EFCAB6: variants seen among roughly 807,000 people sequenced by gnomAD.
The protein encoded by EFCAB6 is EF-hand calcium binding domain 6.
In EFCAB6, 156 loss-of-function variants were observed where a neutral mutation model predicts 169.8. The ratio of observed to expected loss-of-function variants is 0.92; its 90% confidence interval spans 0.81 to 1.05. The LOEUF (loss-of-function observed/expected upper bound fraction) is 1.05, where lower values mean the gene tolerates loss of function less well. Among genes scored for constraint, EFCAB6 ranks in the 50% least tolerant of loss-of-function variants. The pLI, the probability that EFCAB6 is intolerant of heterozygous loss-of-function variation, is 0.00. For missense variants in EFCAB6, 1,800 were observed against 1,829.1 expected, an observed-to-expected ratio of 0.98 and a Z score of 0.29; for synonymous variants, 698 against 676.4, an observed-to-expected ratio of 1.03 and a Z score of -0.50.
At chr22:43,564,081 A>G (rs1377913376) in intron 26 of EFCAB6, among the ~76,000 whole-genome samples, 1 of 152,206 alleles carries the variant, frequency 6.6e-6, no homozygotes, top group East Asian at 1.9e-4. Context: ...TAACCACACC[A>G]GTTAGAACTA....
At chr22:43,733,389 A>G (rs952362231) in intron 7 of EFCAB6, among the ~76,000 whole-genome samples, 3 of 152,252 alleles carry the variant, frequency 2.0e-5, no homozygotes, top group Non-Finnish European at 4.4e-5. Flanking sequence ...TTTCACCTAT[A>G]TCAAACACAC....
At chr22:43,646,933 T>C (rs1245595790) in intron 17 of EFCAB6, among the ~76,000 whole-genome samples, 10 of 152,362 alleles carry the variant, frequency 6.6e-5, no homozygotes, top group Non-Finnish European at 8.8e-5. Flanking sequence ...TAACTGTGCA[T>C]ATTCTTTTGA....
At chr22:43,535,563 C>G (rs910750449) in intron 29 of EFCAB6, 4 of 152,260 alleles carry the variant, frequency 2.6e-5, no homozygotes, top group African/African-American at 9.6e-5. Flanking sequence ...TCGCCCCACG[C>G]TTGGCACTCA....
chr22:43,638,706 C>CTTAATATTTCACTTAAT (rs1270167170), intron 17 of EFCAB6, among the ~76,000 whole-genome samples: 5 of 152,094 alleles, frequency 3.3e-5, no homozygotes, highest in African/African-American at 1.2e-4. Flanking sequence ...GAACTTTTCA[C>CTTAATATTTCACTTAAT]AGTCTATTTA....
At chr22:43,584,058 T>C (rs1430237361) in intron 24 of EFCAB6, among the ~76,000 whole-genome samples, 4 of 152,204 alleles carry the variant, frequency 2.6e-5, no homozygotes, top group Admixed American at 2.6e-4. Flanking sequence ...TGGTATTTAA[T>C]AGTTTTCAAG....
At chr22:43,583,612 A>AG (rs137711) in intron 24 of EFCAB6, among the ~76,000 whole-genome samples, 152,189 of 152,190 alleles carry the variant, frequency 1, 76,094 homozygotes, top group Non-Finnish European at 1. Flanking sequence ...ACCTTTTAGC[A>AG]GCGAGGCCTT....
At chr22:43,794,293 G>A (rs2062418002) in intron 2 of EFCAB6, among the ~76,000 whole-genome samples, 1 of 152,202 alleles carries the variant, frequency 6.6e-6, no homozygotes, top group Non-Finnish European at 1.5e-5. Flanking sequence ...GGCACTGGGT[G>A]TTATCTCATT....
At chr22:43,566,265 C>T (rs1355982910) in intron 26 of EFCAB6, among the ~76,000 whole-genome samples, 3 of 152,210 alleles carry the variant, frequency 2.0e-5, no homozygotes, top group South Asian at 2.1e-4. Context: ...GGCGCAGTTC[C>T]AGGCTTTCTG....
intron 2 of EFCAB6, among the ~76,000 whole-genome samples, chr22:43,805,062 T>C (rs964488769): frequency 7.9e-5 from 12 of 152,198 alleles, no homozygotes; most frequent in African/African-American, 2.7e-4. Context: ...GTGGCATTTA[T>C]ACATACCAAC....
At chr22:43,791,511 T>C (rs1477957366) in intron 2 of EFCAB6, among the ~76,000 whole-genome samples, 1 of 151,724 alleles carries the variant, frequency 6.6e-6, no homozygotes, top group Non-Finnish European at 1.5e-5. Context: ...CGTTCACCGT[T>C]GAAGGAGATG....
intron 21 of EFCAB6, among the ~76,000 whole-genome samples, chr22:43,610,295 T>C (rs2053214917): frequency 1.3e-5 from 2 of 152,206 alleles, no homozygotes; most frequent in Non-Finnish European, 1.5e-5. Context: ...CACAGAGCAG[T>C]GTATACTATG....
chr22:43,543,946 T>C (rs2047894100), intron 27 of EFCAB6, among the ~76,000 whole-genome samples: 1 of 152,068 alleles, frequency 6.6e-6, no homozygotes, highest in African/African-American at 2.4e-5. Flanking sequence ...CTCTGTGTCT[T>C]CACCCCTCCT....
rs1237836261 is a variant in EFCAB6 at position 43,613,623 on chromosome 22, G to A, written c.2562+2203C>T. ...TGAGACCTACTTGAGGGTGGAGGGGGAAAGGAGGGGGAGGATTTGGAAAGA... is the reference window on the plus strand; with the variant it reads ...TGAGACCTACTTGAGGGTGGAGGGGAAAAGGAGGGGGAGGATTTGGAAAGA... On this transcript the variant is annotated intron_variant, in intron 21 of 31. Transcript: ENST00000262726. Among the ~76,000 whole-genome samples, 5 of 152,016 alleles carry A rather than the reference G, an allele frequency of 3.3e-5. No homozygotes were observed. In the South Asian group the frequency reaches 6.2e-4, roughly 19 times the overall value.
chr22:43,811,953 C>T (rs1225192971), intron 1 of EFCAB6, among the ~76,000 whole-genome samples: 1 of 152,176 alleles, frequency 6.6e-6, no homozygotes, highest in African/African-American at 2.4e-5. Flanking sequence ...GGAACAGGGG[C>T]CCTACTGTTC....
In EFCAB6 at chr22:43,638,896, C is replaced by T. The variant is rs1602835499; in HGVS notation, c.1984-3680G>A. 2.6e-5 allele frequency among the ~76,000 whole-genome samples: 4 copies of T among 151,958 alleles called. No individual in the cohort carries two copies. The South Asian group carries it at 6.2e-4, about 24-fold the overall frequency. ...TGCCTCCCGGGTTCAAGCTATTCTCCTGCCTCAGCCTCCCGAGTAGCTGGG... is the reference window on the plus strand; with the variant it reads ...TGCCTCCCGGGTTCAAGCTATTCTCTTGCCTCAGCCTCCCGAGTAGCTGGG... On this transcript the variant is annotated intron_variant, in intron 17 of 31. Coordinates refer to ENST00000262726, the MANE Select transcript of EFCAB6 (RefSeq NM_022785.4).
chr22:43,701,925 T>C (rs866888413), intron 10 of EFCAB6, among the ~76,000 whole-genome samples: 3 of 152,196 alleles, frequency 2.0e-5, no homozygotes, highest in Middle Eastern at 3.4e-3. Flanking sequence ...GCAGTACTTA[T>C]GACAGAAAAG....
At chr22:43,700,485 G>C (rs2058728631) in intron 10 of EFCAB6, among the ~76,000 whole-genome samples, 1 of 152,180 alleles carries the variant, frequency 6.6e-6, no homozygotes, top group South Asian at 2.1e-4. Flanking sequence ...TACTTCTTAA[G>C]TTAAAATGCA....
At chr22:43,636,086 C>T (rs946427029) in intron 17 of EFCAB6, among the ~76,000 whole-genome samples, 1 of 152,162 alleles carries the variant, frequency 6.6e-6, no homozygotes, top group Non-Finnish European at 1.5e-5. Context: ...AATCACAGTT[C>T]TAAATGCATC....
intron 20 of EFCAB6, among the ~76,000 whole-genome samples, chr22:43,626,032 A>G (rs1403899342): frequency 6.6e-6 from 1 of 152,210 alleles, no homozygotes; most frequent in East Asian, 1.9e-4. Flanking sequence ...TACATAGAAA[A>G]ATAAGTATAT....
Sources: gnomAD v4.1 joint callset for allele counts (sites outside exome capture counted in the v4.1 genomes callset) on GRCh38, gnomAD v4.1.1 for gene constraint, MANE v1.5 for transcripts, NCBI Gene and HGNC (gene_info 2026-07-23, HGNC 2026-07-21) for gene names.